Variants in SMG7 observed in about 807,000 individuals in gnomAD.
SMG7 encodes SMG7 nonsense mediated mRNA decay factor.
A neutral mutation model predicts 148.2 loss-of-function variants in SMG7; 34 were observed. The observed-to-expected ratio is 0.23, with a 90% CI of 0.17 to 0.31. The LOEUF is 0.31. Among genes scored for constraint, SMG7 ranks in the 10% least tolerant of loss-of-function variants. SMG7 has a pLI of 1.00. For missense variants in SMG7, 1,114 were observed against 1,408.4 expected, an observed-to-expected ratio of 0.79 and a Z score of 3.35; for synonymous variants, 492 against 515.1, an observed-to-expected ratio of 0.96 and a Z score of 0.61.
chr1:183,528,672 G>T (rs574167798), intron 6 of SMG7, among the ~76,000 whole-genome samples: 29 of 152,112 alleles, frequency 1.9e-4, no homozygotes, highest in African/African-American at 6.8e-4. Context: ...TGCTGAAGCC[G>T]CTCTCTACCC....
At chr1:183,489,056 ACG>A (rs1656265930) in intron 1 of SMG7, among the ~76,000 whole-genome samples, 1 of 151,730 alleles carries the variant, frequency 6.6e-6, no homozygotes, top group Non-Finnish European at 1.5e-5. Context: ...AATATCTTTC[ACG>A]TGTGTTAGAT....
intron 1 of SMG7, among the ~76,000 whole-genome samples, chr1:183,504,618 C>T (rs905912092): frequency 6.6e-6 from 1 of 152,182 alleles, no homozygotes; most frequent in African/African-American, 2.4e-5. Flanking sequence ...GGATTACAGG[C>T]GTGAGCCACA....
intron 13 of SMG7, 86 bp downstream of exon 13, chr1:183,541,189 T>C (rs958247317): frequency 8.6e-7 from 1 of 1,156,834 alleles, no homozygotes. Flanking sequence ...CACACACACA[T>C]CTCATATGTT....
chr1:183,549,936 CTTTAAA>C lies in SMG7; in HGVS notation c.3133+16_3133+21del, dbSNP rs1670672868. The C allele has an allele frequency of 2.5e-6, 4 of 1,600,810 alleles. No individual in the cohort carries two copies. In the East Asian group the frequency reaches 8.9e-5, roughly 36 times the overall value. On this transcript the variant is annotated intron_variant, in intron 20 of 22. Transcript: ENST00000688051. ...CCTGCCAGTTCAGGTATTAACTACTCTTTAAATTATAGACCTTACATTTCCTGTACA... is the reference window on the plus strand; with the variant it reads ...CCTGCCAGTTCAGGTATTAACTACTCTTATAGACCTTACATTTCCTGTACA...
Position 183,542,245 on chromosome 1 carries a change from A to C in SMG7, c.1585A>C (p.Thr529Pro). 6.2e-7 allele frequency: 1 copy of C among 1,614,150 alleles called. No homozygotes were observed. The highest frequency in any genetic ancestry group is 8.5e-7 in the Non-Finnish European group (1 of 1,180,000). The change falls in exon 14 of 23, where the codon ACA becomes CCA. Residue 529 changes from threonine (T) to proline (P), a missense_variant. Thr to Pro is a conservative substitution (Grantham distance 38). Coordinates refer to ENST00000688051, the MANE Select transcript of SMG7 (RefSeq NM_001375584.1). The stretch of plus-strand genomic sequence containing the variant: ...CCCAGGGCTAAAATCAGTGCTATCT[A>C]CAAGCCGAAATTTAAGCAACAACTG... The part of the protein sequence containing the change: ...GSPGLKSVLS[T>P]SRNLSNNCDT...
At chr1:183,529,727 T>C (rs913936895) in intron 8 of SMG7, among the ~76,000 whole-genome samples, 194 bp downstream of exon 8, 1 of 152,182 alleles carries the variant, frequency 6.6e-6, no homozygotes, top group Non-Finnish European at 1.5e-5. Flanking sequence ...TAAACAAATA[T>C]AATATAGCAG....
chr1:183,528,301 AC>A (rs1248062598), intron 6 of SMG7, among the ~76,000 whole-genome samples: 2 of 152,128 alleles, frequency 1.3e-5, no homozygotes, highest in African/African-American at 4.8e-5. Flanking sequence ...TATTGTTTCT[AC>A]AACTCTGGCT....
intron 18 of SMG7, among the ~76,000 whole-genome samples, chr1:183,547,811 C>CA (rs1057330352): frequency 1.3e-5 from 2 of 152,032 alleles, no homozygotes; most frequent in African/African-American, 4.8e-5. Context: ...TAAACATTGT[C>CA]AGAGTGTCAT....
In SMG7 at chr1:183,541,063, T is replaced by G. The variant is rs752151196; in HGVS notation, c.1375T>G (p.Leu459Val). 6.2e-7 allele frequency: 1 copy of G among 1,613,686 alleles called. No individual in the cohort carries two copies. Among genetic ancestry groups the G allele is most frequent in the South Asian group, 1.1e-5 (1 of 91,088 alleles). Residue 459 changes from leucine (L) to valine (V), a missense_variant, in exon 13 of 23, where the codon TTG becomes GTG. Leu to Val is a conservative substitution (Grantham distance 32). This residue lies in a region of SMG7 where 788 missense variants were observed against 894.5 expected (regional missense o/e 0.88). Coordinates refer to ENST00000688051, the MANE Select transcript of SMG7 (RefSeq NM_001375584.1). ...GQQRRIRQQR[L>V]ISIGKWIADN... ...GCAACGACGAATACGACAGCAACGC[T>G]TGATCTCTATAGGCAAATGGATTGC...
intron 2 of SMG7, among the ~76,000 whole-genome samples, chr1:183,514,981 A>G (rs1458335223): frequency 1.3e-5 from 2 of 152,234 alleles, no homozygotes; most frequent in African/African-American, 2.4e-5. Context: ...GAAGTAGCCC[A>G]GCTAGTTATG....
chr1:183,481,863 G>C (rs1463343358), intron 1 of SMG7, among the ~76,000 whole-genome samples: 1 of 150,770 alleles, frequency 6.6e-6, no homozygotes, highest in Non-Finnish European at 1.5e-5. Context: ...ATTTCGCTCT[G>C]TTGCCCAGGC....
intron 1 of SMG7, among the ~76,000 whole-genome samples, chr1:183,478,444 T>G (rs2102042130): frequency 6.6e-6 from 1 of 152,312 alleles, no homozygotes; most frequent in East Asian, 1.9e-4. Context: ...TCTGACTAAA[T>G]TATTTTGGCA....
Position 183,552,808 on chromosome 1 carries a change from C to A in SMG7, c.*877C>A. On this transcript the variant is annotated 3_prime_UTR_variant, in exon 23 of 23. Coordinates refer to ENST00000688051, the MANE Select transcript of SMG7 (RefSeq NM_001375584.1). ...AGGCTAGTCCATTCACAGCCTGACA[C>A]GTTCTAATAGGTAGAAGCTTTCAGT... 1 of 1,423,836 alleles carries A rather than the reference C, an allele frequency of 7.0e-7. No homozygotes were observed. Among genetic ancestry groups the A allele is most frequent in the South Asian group, 1.5e-5 (1 of 64,678 alleles). The allele number at this position is 1,423,836 out of a possible 1,614,324, so 88.2% of individuals were successfully genotyped here. A position where few individuals can be genotyped will look rare whatever the true frequency, so the allele number is the denominator to read the frequency against.
chr1:183,510,825 A>G (rs1661941258), intron 1 of SMG7, among the ~76,000 whole-genome samples: 2 of 151,978 alleles, frequency 1.3e-5, no homozygotes, highest in Non-Finnish European at 2.9e-5. Flanking sequence ...AAATTTCAAA[A>G]CCTTAATATT....
chr1:183,512,861 C>T lies in SMG7; in HGVS notation c.54C>T (p.Asp18=). Residue 18 remains aspartate, a synonymous_variant, in exon 2 of 23, where the codon GAC becomes GAT. Coordinates refer to ENST00000688051, the MANE Select transcript of SMG7 (RefSeq NM_001375584.1). The stretch of plus-strand genomic sequence containing the variant: ...GGCAGGCAGAAGTCCTGAAGGCTGA[C>T]ATGACAGGTATTGGCTGGCTTATTT... The part of the protein sequence containing the change: ...YLRQAEVLKA[D]MTDSKLGPAE... 1 of 1,479,910 alleles carries T rather than the reference C, an allele frequency of 6.8e-7. No homozygotes were observed. The highest frequency in any genetic ancestry group is 9.2e-7 in the Non-Finnish European group (1 of 1,085,466). 91.7% of individuals were successfully genotyped at this position (1,479,910 alleles called of 1,614,324 possible). A position where few individuals can be genotyped will look rare whatever the true frequency, so the allele number is the denominator to read the frequency against.
intron 22 of SMG7, among the ~76,000 whole-genome samples, chr1:183,551,513 G>T (rs1671045810): frequency 6.6e-6 from 1 of 152,200 alleles, no homozygotes; most frequent in Admixed American, 6.5e-5. Flanking sequence ...TCTAATTTTA[G>T]AAATGTTTTA....
chr1:183,544,617 C>A, intron 15 of SMG7, 120 bp downstream of exon 15: 1 of 1,049,078 alleles, frequency 9.5e-7, no homozygotes, highest in Non-Finnish European at 1.4e-6. Context: ...GTTCTATTTT[C>A]CCTAATACTT....
intron 10 of SMG7, among the ~76,000 whole-genome samples, chr1:183,535,646 T>A (rs2102665158): frequency 6.6e-6 from 1 of 152,176 alleles, no homozygotes; most frequent in East Asian, 1.9e-4. Context: ...TATCTGGGCC[T>A]TCTCAATTTC....
chr1:183,537,075 T>C, intron 10 of SMG7, 70 bp from the exon 11 acceptor site: 1 of 1,092,558 alleles, frequency 9.2e-7, no homozygotes, highest in East Asian at 2.4e-5. Context: ...AGATACCATT[T>C]TCATGGCTTA....
Sources: allele counts gnomAD v4.1 joint callset (sites outside exome capture counted in the v4.1 genomes callset), GRCh38; gene constraint gnomAD v4.1.1; regional missense constraint gnomAD v4.1.1; transcripts MANE v1.5; gene names NCBI Gene and HGNC (gene_info 2026-07-23, HGNC 2026-07-21).